RAPGEF6: variants seen among roughly 807,000 people sequenced by gnomAD.
RAPGEF6 encodes the protein Rap guanine nucleotide exchange factor 6.
RAPGEF6 carries 56 observed loss-of-function variants against 171.4 expected under a neutral mutation model. The ratio of observed to expected loss-of-function variants is 0.33; its 90% CI spans 0.26 to 0.41. The LOEUF (loss-of-function observed/expected upper bound fraction) is 0.41, where lower values mean the gene tolerates loss of function less well. Among genes scored for constraint, RAPGEF6 ranks in the 10% least tolerant of loss-of-function variants. RAPGEF6 has a pLI of 1.00. For synonymous variants in RAPGEF6, 692 were observed against 650.1 expected (o/e 1.06, Z -0.98); for missense variants, 1,674 against 1,921.4 (o/e 0.87, Z 2.41).
At chr5:131,479,970 C>T (rs1313970001) in intron 15 of RAPGEF6, among the ~76,000 whole-genome samples, 13 of 151,680 alleles carry the variant, frequency 8.6e-5, no homozygotes, top group Admixed American at 8.6e-4. Flanking sequence ...TGTTGCCCAA[C>T]ACTAATAAAA....
rs781489891 is a variant in RAPGEF6 at position 131,455,964 on chromosome 5, C to T, written c.2913G>A (p.Lys971=). The T allele has an allele frequency of 1.2e-6, 2 of 1,614,124 alleles. No individual in the cohort carries two copies. Among genetic ancestry groups the T allele is most frequent in the East Asian group, 2.2e-5 (1 of 44,858 alleles). ...GATGTTTCTCGTATTTGCTTGGTAA[C>T]TTTTCCCAAGTTCCTCTGAGTCTTG... The part of the protein sequence containing the change: ...SVARLRGTWE[K]LPSKYEKHLQ... The change falls in exon 20 of 28, where the codon AAG becomes AAA. Residue 971 remains lysine (K), a synonymous_variant. Coordinates refer to ENST00000509018, the MANE Select transcript of RAPGEF6 (RefSeq NM_016340.6).
intron 24 of RAPGEF6, chr5:131,435,822 T>C: frequency 7.1e-7 from 1 of 1,402,990 alleles, no homozygotes; most frequent in Non-Finnish European, 9.3e-7. Flanking sequence ...AAATGAGGCA[T>C]TTTCAAGTGT....
intron 1 of RAPGEF6, 76 bp downstream of exon 1, chr5:131,634,886 C>T: frequency 6.5e-7 from 1 of 1,540,438 alleles, no homozygotes; most frequent in South Asian, 1.1e-5. Context: ...AGAGGGCAGT[C>T]GCCGCGGATT....
intron 11 of RAPGEF6, among the ~76,000 whole-genome samples, chr5:131,503,898 G>A (rs1757183604): frequency 6.6e-6 from 1 of 152,102 alleles, no homozygotes; most frequent in Non-Finnish European, 1.5e-5. Flanking sequence ...GAAAAGTGAG[G>A]TTCAGAGAAG....
intron 11 of RAPGEF6, among the ~76,000 whole-genome samples, chr5:131,501,469 A>T (rs1757023548): frequency 6.6e-6 from 1 of 152,102 alleles, no homozygotes; most frequent in Non-Finnish European, 1.5e-5. Context: ...CACAAAAGCA[A>T]CCCATCAGCA....
Position 131,464,260 on chromosome 5 carries a change from C to G in RAPGEF6, c.2261G>C (p.Arg754Thr). 6.2e-7 allele frequency: 1 copy of G among 1,611,774 alleles called. No homozygotes were observed. Residue 754 changes from arginine (R) to threonine (T), a missense_variant, in exon 18 of 28, where the codon AGA becomes ACA. Physicochemically the swap from Arg to Thr is moderately conservative, Grantham distance 71 (BLOSUM62 -1). Coordinates refer to ENST00000509018, the MANE Select transcript of RAPGEF6 (RefSeq NM_016340.6). ...NPSDIPDQVI[R>T]VFKVDQQSCY... ...ACTTTGCTGATCCACTTTGAAAACT[C>G]TTATAACTTGATCAGGGATATCTAC...
chr5:131,529,817 G>C (rs1312922698), intron 6 of RAPGEF6, among the ~76,000 whole-genome samples: 1 of 149,676 alleles, frequency 6.7e-6, no homozygotes. Flanking sequence ...AGGATCCCTT[G>C]AGCCCAGGAG....
rs765584713 is a variant in RAPGEF6 at position 131,461,961 on chromosome 5, T to C, written c.2608A>G (p.Met870Val). The C allele has an allele frequency of 9.3e-6, 15 of 1,614,048 alleles. No individual in the cohort carries two copies. Among genetic ancestry groups the C allele is most frequent in the South Asian group, 2.2e-5 (2 of 91,080 alleles). Residue 870 changes from methionine (M) to valine (V), a missense_variant, in exon 19 of 28, where the codon ATG becomes GTG. Physicochemically the swap from Met to Val is conservative, Grantham distance 21. Around this residue, in one of 3 missense-constraint regions of RAPGEF6, gnomAD observed 1,116 missense variants for 1,321.5 expected, o/e 0.84. Transcript: ENST00000509018. The part of the protein sequence containing the change: ...STIEVATQLS[M>V]RDFDLFRNIE... ...TTACGAAACAAATCAAAGTCCCTCA[T>C]TGACAGCTGGGTGGCCACCTCAATG...
In RAPGEF6 at chr5:131,425,974, TAATA is replaced by T. The variant is rs764456474; in HGVS notation, c.*1288_*1291del. 3 of 145,726 alleles carry T rather than the reference TAATA, an allele frequency of 2.1e-5. No individual in the cohort carries two copies. Among genetic ancestry groups the T allele is most frequent in the Admixed American group, 7.1e-5 (1 of 14,140 alleles). The allele number at this position is 145,726 out of a possible 1,614,324, so 9.0% of individuals were successfully genotyped here. ...TTAAAAAAACTGAAAAAATTAAACT[TAATA>T]TATATAAAATATATTTAATTTGCAA... On this transcript the variant is annotated 3_prime_UTR_variant, in exon 28 of 28. Transcript: ENST00000509018.
At chr5:131,581,530 C>T (rs1302323161) in intron 4 of RAPGEF6, among the ~76,000 whole-genome samples, 22 of 152,092 alleles carry the variant, frequency 1.4e-4, no homozygotes, top group African/African-American at 5.3e-4. Context: ...CTTACCCCAA[C>T]ATCTTACTTC....
At position 131,512,975 on chromosome 5, in the gene RAPGEF6, C is replaced by T. The variant is rs149283786; in HGVS notation, c.628-2484G>A. 2.1e-3 allele frequency among the ~76,000 whole-genome samples: 325 copies of T among 152,196 alleles called. 2 individuals carry two copies. The highest frequency in any genetic ancestry group is 3.0e-3 in the Non-Finnish European group (207 of 68,006). On this transcript the variant is annotated intron_variant, in intron 7 of 27. Transcript: ENST00000509018. ...TAAATTTCTGGTGTTTATAAGCTAC[C>T]CCCCAGTCTACAGTATTTTGTTACA...
intron 7 of RAPGEF6, among the ~76,000 whole-genome samples, chr5:131,519,006 C>T (rs1758290251): frequency 6.6e-6 from 1 of 151,976 alleles, no homozygotes; most frequent in African/African-American, 2.4e-5. Context: ...TTGGTGGTTG[C>T]CAGGGCATAG....
chr5:131,459,959 T>G (rs964354337), intron 19 of RAPGEF6, among the ~76,000 whole-genome samples: 3 of 152,184 alleles, frequency 2.0e-5, no homozygotes, highest in Non-Finnish European at 4.4e-5. Flanking sequence ...TATAAAAAGT[T>G]GTTAATTATA....
At chr5:131,469,819 T>C (rs1488695240) in intron 17 of RAPGEF6, 1 of 1,513,954 alleles carries the variant, frequency 6.6e-7, no homozygotes, top group Non-Finnish European at 8.8e-7. Flanking sequence ...CCAACAGCTG[T>C]ATGCAGCAAA....
At chr5:131,524,000 A>C (rs536744975) in intron 6 of RAPGEF6, among the ~76,000 whole-genome samples, 42 of 152,344 alleles carry the variant, frequency 2.8e-4, no homozygotes, top group African/African-American at 1.0e-3. Flanking sequence ...TGGAAGCCAG[A>C]AGACAATTGA....
chr5:131,555,653 A>G (rs1761189582), intron 5 of RAPGEF6, among the ~76,000 whole-genome samples: 1 of 152,006 alleles, frequency 6.6e-6, no homozygotes, highest in Admixed American at 6.6e-5. Flanking sequence ...ATACATATAT[A>G]ATTGCTTTAA....
chr5:131,463,619 A>T, intron 18 of RAPGEF6: 2 of 706,276 alleles, frequency 2.8e-6, no homozygotes, highest in Non-Finnish European at 3.5e-6. Flanking sequence ...CAAATGTACT[A>T]CAGAAATAAT....
At chr5:131,618,726 A>C (rs763294754) in intron 1 of RAPGEF6, among the ~76,000 whole-genome samples, 9 of 152,240 alleles carry the variant, frequency 5.9e-5, no homozygotes, top group African/African-American at 9.6e-5. Context: ...TAAAATCACA[A>C]GGTAAAACCA....
chr5:131,552,841 T>C (rs1761005293), intron 5 of RAPGEF6, among the ~76,000 whole-genome samples: 1 of 151,582 alleles, frequency 6.6e-6, no homozygotes, highest in Non-Finnish European at 1.5e-5. Flanking sequence ...TAGACAAATA[T>C]AAAAAAATCC....
Sources: allele counts gnomAD v4.1 joint callset (sites outside exome capture counted in the v4.1 genomes callset), GRCh38; gene constraint gnomAD v4.1.1; regional missense constraint gnomAD v4.1.1; transcripts MANE v1.5; gene names NCBI Gene and HGNC (gene_info 2026-07-23, HGNC 2026-07-21).